CLCA2: variants seen among roughly 807,000 people sequenced by gnomAD.
CLCA2 encodes chloride channel accessory 2, also known as calcium-activated chloride channel regulator 2.
In CLCA2, 85 loss-of-function variants were observed where a neutral mutation model predicts 82.9. That is an observed-to-expected ratio of 1.03 (90% CI 0.86 to 1.23). CLCA2 has a LOEUF of 1.23. CLCA2 is among the 50% of genes most tolerant of loss of function. The probability of loss-of-function intolerance (pLI) is 0.00; values close to 1 mark genes in which losing one functional copy is unlikely to be tolerated. For synonymous variants in CLCA2, 421 were observed against 391.7 expected (o/e 1.07, Z -0.88); for missense variants, 1,089 against 1,124.8 (o/e 0.97, Z 0.45).
At chr1:86,434,019 G>T (rs971457917) in intron 5 of CLCA2, among the ~76,000 whole-genome samples, 5 of 151,966 alleles carry the variant, frequency 3.3e-5, no homozygotes, top group African/African-American at 4.8e-5. Flanking sequence ...GGATCAGGAA[G>T]TAAATTTAAG....
intron 6 of CLCA2, 60 bp from the exon 7 acceptor site, chr1:86,438,816 A>G (rs1662663179): frequency 2.1e-6 from 3 of 1,405,664 alleles, no homozygotes; most frequent in Non-Finnish European, 3.0e-6. Flanking sequence ...GAGTTACTTC[A>G]TCATACTTTT....
At chr1:86,452,846 G>T (rs974730784) in intron 12 of CLCA2, among the ~76,000 whole-genome samples, 1 of 152,004 alleles carries the variant, frequency 6.6e-6, no homozygotes, top group Non-Finnish European at 1.5e-5. Context: ...ATACTGTTTT[G>T]TCTGTAATTA....
rs573113288 is a variant in CLCA2, at chr1:86,454,998, T to A, written c.2390-87T>A. 1.0e-3 allele frequency: 725 copies of A among 724,846 alleles called. 1 individual carries two copies. Among genetic ancestry groups the A allele is most frequent in the Non-Finnish European group, 1.3e-3 (635 of 472,680 alleles). 44.9% of individuals were successfully genotyped at this position (724,846 alleles called of 1,614,324 possible). On this transcript the variant is annotated intron_variant, in intron 13 of 13. Coordinates refer to ENST00000370565, the MANE Select transcript of CLCA2 (RefSeq NM_006536.7). Reference sequence around the variant, plus strand: ...TTTATTTCTAAATATTTTGACTTTTTGTTGCTGTTCTCATTAGTAATTTCT... The same window carrying A: ...TTTATTTCTAAATATTTTGACTTTTAGTTGCTGTTCTCATTAGTAATTTCT...
chr1:86,444,717 C>G (rs977237135), intron 10 of CLCA2, among the ~76,000 whole-genome samples: 2 of 152,058 alleles, frequency 1.3e-5, no homozygotes, highest in Non-Finnish European at 2.9e-5. Context: ...TAAACAGGAG[C>G]TGTATTAGCA....
chr1:86,437,055 G>A (rs891890752), intron 6 of CLCA2, among the ~76,000 whole-genome samples: 1 of 152,132 alleles, frequency 6.6e-6, no homozygotes, highest in African/African-American at 2.4e-5. Flanking sequence ...ATTTATATTG[G>A]CTATCTGCCT....
chr1:86,449,822 C>T (rs1304566540), intron 11 of CLCA2, among the ~76,000 whole-genome samples: 1 of 152,200 alleles, frequency 6.6e-6, no homozygotes, highest in Non-Finnish European at 1.5e-5. Context: ...CTTCCCTCTG[C>T]TGCCCTGGGG....
At chr1:86,429,417 C>A (rs78834712) in intron 3 of CLCA2, among the ~76,000 whole-genome samples, 2,074 of 152,302 alleles carry the variant, frequency 0.014, 29 homozygotes, top group African/African-American at 0.041. Context: ...CATTAAGGAA[C>A]AAGGCACACA....
chr1:86,444,266 G>GTT (rs1380356801), intron 10 of CLCA2, among the ~76,000 whole-genome samples: 1 of 152,104 alleles, frequency 6.6e-6, no homozygotes, highest in Non-Finnish European at 1.5e-5. Flanking sequence ...TACAATTAAT[G>GTT]TTTTTCTAGC....
chr1:86,424,268 A>G lies in CLCA2; in HGVS notation c.21A>G (p.Ala7=), dbSNP rs1277800094. The G allele has an allele frequency of 6.2e-7, 1 of 1,613,308 alleles. No homozygotes were observed. Among genetic ancestry groups the G allele is most frequent in the African/African-American group, 1.3e-5 (1 of 74,882 alleles). The change falls in exon 1 of 14, where the codon GCA becomes GCG. Residue 7 remains alanine (A), a synonymous_variant. Coordinates refer to ENST00000370565, the MANE Select transcript of CLCA2 (RefSeq NM_006536.7). ...ACAACATGACCCAAAGGAGCATTGCAGGTCCTATTTGCAACCTGAAGTTTG... is the reference window on the plus strand; with the variant it reads ...ACAACATGACCCAAAGGAGCATTGCGGGTCCTATTTGCAACCTGAAGTTTG... MTQRSI[A]GPICNLKFVT... is the part of the protein sequence containing the mutation.
At position 86,438,977 on chromosome 1, in the gene CLCA2, A is replaced by G. The variant is rs1246861527; in HGVS notation, c.1074A>G (p.Gly358=). 3 of 1,614,128 alleles carry G rather than the reference A, an allele frequency of 1.9e-6. No individual in the cohort carries two copies. Among genetic ancestry groups the G allele is most frequent in the Non-Finnish European group, 2.5e-6 (3 of 1,179,998 alleles). ...FVGIASFDSK[G]EIRAQLHQIN... is the part of the protein sequence containing the mutation. ...GCATTGCCAGTTTCGACAGCAAAGG[A>G]GAGATCAGAGCCCAGCTACACCAAA... The change falls in exon 7 of 14, where the codon GGA becomes GGG. Residue 358 remains glycine, a synonymous_variant. Coordinates refer to ENST00000370565, the MANE Select transcript of CLCA2 (RefSeq NM_006536.7).
In CLCA2 at chr1:86,434,527, T is replaced by C; in HGVS notation, c.754T>C (p.Phe252Leu). 6.2e-7 allele frequency: 1 copy of C among 1,613,962 alleles called. No individual in the cohort carries two copies. The highest frequency in any genetic ancestry group is 1.7e-5 in the Admixed American group (1 of 59,996). ...CTGTTTTTATTTCCAGGTGGTTGAA[T>C]TTTGTAATGCAAGTACCCACAACCA... ...FMQSLSSVVE[F>L]CNASTHNQEA... The change falls in exon 6 of 14, where the codon TTT becomes CTT. Residue 252 changes from phenylalanine to leucine, a missense_variant. Physicochemically the swap from Phe to Leu is conservative, Grantham distance 22 (BLOSUM62 0). Coordinates refer to ENST00000370565, the MANE Select transcript of CLCA2 (RefSeq NM_006536.7).
At chr1:86,441,565 T>C in intron 9 of CLCA2, 22 bp downstream of exon 9, 1 of 1,504,142 alleles carries the variant, frequency 6.6e-7, no homozygotes, top group African/African-American at 1.4e-5. Context: ...CTCAATGTTA[T>C]ATTTCCAGGT....
intron 10 of CLCA2, among the ~76,000 whole-genome samples, chr1:86,447,028 G>A (rs956775133): frequency 6.6e-6 from 1 of 152,146 alleles, no homozygotes; most frequent in Non-Finnish European, 1.5e-5. Flanking sequence ...TTTTTGGGAA[G>A]TGGAGTGAAA....
At chr1:86,449,828 T>C (rs1662926291) in intron 11 of CLCA2, among the ~76,000 whole-genome samples, 1 of 152,220 alleles carries the variant, frequency 6.6e-6, no homozygotes, top group Non-Finnish European at 1.5e-5. Context: ...TCTGCTGCCC[T>C]GGGGTCTAGG....
rs1254020668 is a variant in CLCA2, at chr1:86,428,495, AG to A, written c.403del (p.Glu135ArgfsTer13). 6.2e-7 allele frequency: 1 copy of A among 1,613,678 alleles called. No homozygotes were observed. The highest frequency in any genetic ancestry group is 1.3e-5 in the African/African-American group (1 of 74,908). On this transcript the variant is annotated frameshift_variant, in exon 3 of 14. Coordinates refer to ENST00000370565, the MANE Select transcript of CLCA2 (RefSeq NM_006536.7). LOFTEE classifies it high-confidence loss of function. ...YTLQYRGCGK[E>X]GKYIHFTPNF... The stretch of plus-strand genomic sequence containing the variant: ...CCCTACAATACAGAGGGTGTGGAAA[AG>A]AGGGAAAATACATTCATTTCACACC...
rs1461858912 is a variant in CLCA2 at position 86,424,270 on chromosome 1, G to A, written c.23G>A (p.Gly8Asp). The A allele has an allele frequency of 6.2e-7, 1 of 1,613,460 alleles. No individual in the cohort carries two copies. The highest frequency in any genetic ancestry group is 1.3e-5 in the African/African-American group (1 of 75,008). ...AACATGACCCAAAGGAGCATTGCAG[G>A]TCCTATTTGCAACCTGAAGTTTGTG... MTQRSIAGPICNLKFVTL... is the reference protein window; with the variant it reads MTQRSIADPICNLKFVTL... Residue 8 changes from glycine to aspartate, a missense_variant, in exon 1 of 14, where the codon GGT becomes GAT. Physicochemically the swap from Gly to Asp is moderately conservative, Grantham distance 94. Transcript: ENST00000370565.
In CLCA2 at chr1:86,434,650, G is replaced by T; in HGVS notation, c.877G>T (p.Gly293Trp). 3 of 1,614,042 alleles carry T rather than the reference G, an allele frequency of 1.9e-6. No homozygotes were observed. The highest frequency in any genetic ancestry group is 1.7e-5 in the Admixed American group (1 of 60,004). ...ADFHHSFPMN[G>W]TELPPPPTFS... ...CTTTCACCACAGCTTTCCCATGAAT[G>T]GGACTGAGCTTCCACCTCCTCCCAC... Residue 293 changes from glycine to tryptophan, a missense_variant, in exon 6 of 14, where the codon GGG becomes TGG. Transcript: ENST00000370565.
intron 6 of CLCA2, among the ~76,000 whole-genome samples, chr1:86,436,349 C>T (rs1476892830): frequency 6.6e-6 from 1 of 152,244 alleles, no homozygotes; most frequent in Non-Finnish European, 1.5e-5. Flanking sequence ...GCCTGCCTGC[C>T]TGCCTGCCTT....
intron 12 of CLCA2, among the ~76,000 whole-genome samples, chr1:86,451,508 A>C (rs1662967560): frequency 6.6e-6 from 1 of 151,710 alleles, no homozygotes. Flanking sequence ...TCCTGACCTC[A>C]CCAGTATCAA....
Sources: allele counts gnomAD v4.1 joint callset (sites outside exome capture counted in the v4.1 genomes callset), GRCh38; gene constraint gnomAD v4.1.1; transcripts MANE v1.5; gene names NCBI Gene and HGNC (gene_info 2026-07-23, HGNC 2026-07-21).